The following SLC25A21 variants were observed in gnomAD, a reference collection of about 807,000 sequenced individuals.
SLC25A21 encodes mitochondrial 2-oxodicarboxylate carrier.
A neutral mutation model predicts 43.8 loss-of-function variants in SLC25A21; 47 were observed. The ratio of observed to expected loss-of-function variants is 1.07; its 90% CI spans 0.85 to 1.37. SLC25A21 has a LOEUF of 1.37. Ranked by LOEUF, SLC25A21 falls within the 40% of genes most tolerant of loss-of-function variation. The probability of loss-of-function intolerance (pLI) is 0.00; values close to 1 mark genes in which losing one functional copy is unlikely to be tolerated. For synonymous variants in SLC25A21, 131 were observed against 121.3 expected, an observed-to-expected ratio of 1.08 and a Z score of -0.52; for missense variants, 352 against 350.2, an observed-to-expected ratio of 1.00 and a Z score of -0.04.
At chr14:36,982,329 A>G (rs1392945225) in intron 1 of SLC25A21, among the ~76,000 whole-genome samples, 1 of 152,244 alleles carries the variant, frequency 6.6e-6, no homozygotes, top group Non-Finnish European at 1.5e-5. Context: ...CTTAATGTGA[A>G]CATTCCTTAA....
At chr14:36,833,301 T>C (rs1275573237) in intron 2 of SLC25A21, among the ~76,000 whole-genome samples, 1 of 152,208 alleles carries the variant, frequency 6.6e-6, no homozygotes, top group African/African-American at 2.4e-5. Context: ...AGCAGTTCCC[T>C]TGTGATGCCA....
chr14:36,872,165 G>GTA (rs1890392455), intron 2 of SLC25A21, among the ~76,000 whole-genome samples: 1 of 152,152 alleles, frequency 6.6e-6, no homozygotes, highest in Non-Finnish European at 1.5e-5. Context: ...TTAAGGAGAA[G>GTA]TATACTGAAT....
chr14:36,739,405 C>CA (rs1885162989), intron 3 of SLC25A21, among the ~76,000 whole-genome samples: 1 of 152,172 alleles, frequency 6.6e-6, no homozygotes, highest in African/African-American at 2.4e-5. Flanking sequence ...AGGCTAGGCA[C>CA]AGTAGCTCAC....
chr14:37,126,797 G>A (rs1048974219), intron 1 of SLC25A21, among the ~76,000 whole-genome samples: 2 of 152,084 alleles, frequency 1.3e-5, no homozygotes. Context: ...GCCCTCAAGG[G>A]GCTTACAAGG....
At chr14:37,042,554 T>C (rs1961496531) in intron 1 of SLC25A21, among the ~76,000 whole-genome samples, 1 of 152,208 alleles carries the variant, frequency 6.6e-6, no homozygotes, top group Non-Finnish European at 1.5e-5. Flanking sequence ...AGATATAACT[T>C]GATTTAAAAA....
At chr14:37,021,042 T>C (rs1185949161) in intron 1 of SLC25A21, among the ~76,000 whole-genome samples, 1 of 152,032 alleles carries the variant, frequency 6.6e-6, no homozygotes, top group African/African-American at 2.4e-5. Flanking sequence ...CTCACTGCAC[T>C]GGCAATGTAT....
At chr14:36,841,486 CCT>C (rs1345006333) in intron 2 of SLC25A21, among the ~76,000 whole-genome samples, 4 of 152,104 alleles carry the variant, frequency 2.6e-5, no homozygotes, top group Admixed American at 2.6e-4. Flanking sequence ...ATTTTTTTCC[CCT>C]TTCTTTTCAT....
intron 1 of SLC25A21, among the ~76,000 whole-genome samples, chr14:37,065,304 T>C (rs956319573): frequency 6.6e-6 from 1 of 152,120 alleles, no homozygotes; most frequent in African/African-American, 2.4e-5. Flanking sequence ...CAATATTGGA[T>C]AAGGTACAAA....
intron 1 of SLC25A21, among the ~76,000 whole-genome samples, chr14:37,142,724 C>A (rs1359766976): frequency 6.6e-6 from 1 of 152,154 alleles, no homozygotes; most frequent in Non-Finnish European, 1.5e-5. Flanking sequence ...CGAGGATACA[C>A]AACCACTGAA....
rs1464608976 is a variant in SLC25A21 at position 36,679,720 on chromosome 14, C to T, written c.*938G>A. On this transcript the variant is annotated 3_prime_UTR_variant, in exon 10 of 10. Transcript: ENST00000331299. ...CCTGAAAATGCAGTTCTGTTCTATA[C>T]ATTCTTCCTAAAAATGGCACAGGTA... 6.1e-6 allele frequency: 6 copies of T among 985,404 alleles called. No homozygotes were observed. In the East Asian group the frequency reaches 6.8e-4, roughly 112 times the overall value. The allele number at this position is 985,404 out of a possible 1,614,324, so 61.0% of individuals were successfully genotyped here.
At chr14:36,937,581 GA>G (rs1219664358) in intron 1 of SLC25A21, among the ~76,000 whole-genome samples, 2 of 152,172 alleles carry the variant, frequency 1.3e-5, no homozygotes, top group African/African-American at 4.8e-5. Context: ...CAAGATGATG[GA>G]ACTACGGTGG....
intron 2 of SLC25A21, among the ~76,000 whole-genome samples, chr14:36,835,784 T>C (rs1367751299): frequency 1.3e-5 from 2 of 152,252 alleles, no homozygotes; most frequent in Non-Finnish European, 2.9e-5. Context: ...TGTTCAAGGA[T>C]GGCAAATCTG....
chr14:36,831,038 ATTTGT>A (rs1030883228), intron 2 of SLC25A21, among the ~76,000 whole-genome samples: 5 of 152,164 alleles, frequency 3.3e-5, no homozygotes, highest in African/African-American at 1.2e-4. Context: ...AGCAATTTAT[ATTTGT>A]TTTATCATGT....
intron 1 of SLC25A21, among the ~76,000 whole-genome samples, chr14:37,070,492 T>C (rs1962148773): frequency 6.6e-6 from 1 of 152,204 alleles, no homozygotes; most frequent in Non-Finnish European, 1.5e-5. Flanking sequence ...TAAATTTTAT[T>C]CACATCCCCT....
At chr14:36,833,878 A>G (rs1228707568) in intron 2 of SLC25A21, among the ~76,000 whole-genome samples, 1 of 152,242 alleles carries the variant, frequency 6.6e-6, no homozygotes, top group African/African-American at 2.4e-5. Context: ...GGTAGACAGC[A>G]AAGCAGTAGG....
chr14:37,103,802 T>C (rs1283833502), intron 1 of SLC25A21, among the ~76,000 whole-genome samples: 3 of 152,214 alleles, frequency 2.0e-5, no homozygotes, highest in African/African-American at 7.2e-5. Context: ...CAGTCACTTC[T>C]ACCTGCTTCT....
At chr14:36,773,036 A>G (rs1201602999) in intron 3 of SLC25A21, among the ~76,000 whole-genome samples, 1 of 152,224 alleles carries the variant, frequency 6.6e-6, no homozygotes, top group Non-Finnish European at 1.5e-5. Context: ...TCAGAAGAAA[A>G]AGATGGTGAA....
chr14:36,730,441 C>T (rs181357887), intron 4 of SLC25A21, among the ~76,000 whole-genome samples: 11 of 152,224 alleles, frequency 7.2e-5, no homozygotes, highest in Admixed American at 1.3e-4. Flanking sequence ...GTCTGATTCT[C>T]GAGACCCCAA....
At chr14:36,847,182 T>G (rs1381144551) in intron 2 of SLC25A21, among the ~76,000 whole-genome samples, 2 of 152,192 alleles carry the variant, frequency 1.3e-5, no homozygotes, top group Non-Finnish European at 2.9e-5. Flanking sequence ...CCCCAAGAGT[T>G]TTGGTTAAGA....
Sources: allele counts gnomAD v4.1 joint callset (sites outside exome capture counted in the v4.1 genomes callset), GRCh38; gene constraint gnomAD v4.1.1; transcripts MANE v1.5; gene names NCBI Gene and HGNC (gene_info 2026-07-23, HGNC 2026-07-21).